Variants in NET1 observed in about 807,000 individuals in gnomAD.
NET1 encodes the protein neuroepithelial cell-transforming gene 1 protein.
A neutral mutation model predicts 61.1 loss-of-function variants in NET1; 42 were observed. That is an observed-to-expected ratio of 0.69 (90% confidence interval 0.54 to 0.89). NET1 has a LOEUF of 0.89. NET1 is among the 40% of genes least tolerant of loss of function. The pLI, the probability that NET1 is intolerant of heterozygous loss-of-function variation, is 0.00. For missense variants in NET1, 654 were observed against 747.3 expected, an observed-to-expected ratio of 0.88 and a Z score of 1.46; for synonymous variants, 254 against 281.8, an observed-to-expected ratio of 0.90 and a Z score of 0.99.
intron 1 of NET1, among the ~76,000 whole-genome samples, chr10:5,414,519 G>A (rs916645103): frequency 1.3e-5 from 2 of 152,192 alleles, no homozygotes; most frequent in Non-Finnish European, 2.9e-5. Flanking sequence ...TTAGCTGATG[G>A]ATTGGTAGGA....
rs67989874 is a variant in NET1, at chr10:5,451,503, C to CT, written c.256-319dup. 0.33 allele frequency among the ~76,000 whole-genome samples: 43,008 copies of CT among 131,262 alleles called. 6,590 individuals carry two copies. Among genetic ancestry groups the CT allele is most frequent in the Admixed American group, 0.41 (5,213 of 12,830 alleles). 86.1% of individuals were successfully genotyped at this position (131,262 alleles called of 152,430 possible). A position where few individuals can be genotyped will look rare whatever the true frequency, so the allele number is the denominator to read the frequency against. ...TTCGAAAATTTTCATAACAATAAGG[C>CT]TTTTTTTTAAAAAAAAAAAAAGTTA... On this transcript the variant is annotated intron_variant, in intron 3 of 11. Transcript: ENST00000355029. The surrounding 1 kb of genome is among the most constrained non-coding windows in gnomAD (Gnocchi z 6.1).
intron 3 of NET1, among the ~76,000 whole-genome samples, chr10:5,450,149 G>A (rs1361612313): frequency 2.6e-5 from 4 of 152,136 alleles, no homozygotes; most frequent in Non-Finnish European, 2.9e-5. Flanking sequence ...ATTACATATC[G>A]CGAAGGTTTC....
At chr10:5,434,491 G>A (rs1206632742) in intron 3 of NET1, among the ~76,000 whole-genome samples, 1 of 152,126 alleles carries the variant, frequency 6.6e-6, no homozygotes. Context: ...TCTGAGACTA[G>A]TATGCCATTG....
Position 5,455,049 on chromosome 10 carries a change from G to A in NET1, c.1128G>A (p.Gln376=), listed in dbSNP as rs1832774771. The change falls in exon 10 of 12, where the codon CAG becomes CAA. Residue 376 remains glutamine, a synonymous_variant. Transcript: ENST00000355029. The surrounding 1 kb of genome is among the most constrained non-coding windows in gnomAD (Gnocchi z 6.5). The part of the protein sequence containing the change: ...IDKLEYLDEK[Q]RDPRIEASKV... ...AGCTGGAGTACCTGGATGAAAAGCA[G>A]AGGGACCCCAGAATCGAAGCGAGCA... is the stretch of plus-strand genomic sequence containing the variant. 1 of 1,614,168 alleles carries A rather than the reference G, an allele frequency of 6.2e-7. No homozygotes were observed. The highest frequency in any genetic ancestry group is 2.2e-5 in the East Asian group (1 of 44,886).
chr10:5,452,814 C>T lies in NET1; in HGVS notation c.532-44C>T, dbSNP rs1300708834. ...TAATTATCAGTTGTATATAATTTTC[C>T]TTTCTCGAAGGAATGACCTCTGATG... On this transcript the variant is annotated intron_variant, in intron 5 of 11. Coordinates refer to ENST00000355029, the MANE Select transcript of NET1 (RefSeq NM_001047160.3). The surrounding 1 kb of genome is among the most constrained non-coding windows in gnomAD (Gnocchi z 4.0). 1 of 1,571,002 alleles carries T rather than the reference C, an allele frequency of 6.4e-7. No individual in the cohort carries two copies. Among genetic ancestry groups the T allele is most frequent in the Non-Finnish European group, 8.7e-7 (1 of 1,154,298 alleles).
At position 5,426,850 on chromosome 10, in the gene NET1, T is replaced by C; in HGVS notation, c.195+129T>C. ...TTGAGGAACAGAATTCCTGTAACCATCTTTGGCAGCCTAATTTAGTCCTTT... is the reference window on the plus strand; with the variant it reads ...TTGAGGAACAGAATTCCTGTAACCACCTTTGGCAGCCTAATTTAGTCCTTT... On this transcript the variant is annotated intron_variant, in intron 2 of 11. Transcript: ENST00000355029. The surrounding 1 kb of genome is among the most constrained non-coding windows in gnomAD (Gnocchi z 4.6). 1.9e-6 allele frequency: 1 copy of C among 537,946 alleles called. No homozygotes were observed. 33.3% of individuals were successfully genotyped at this position (537,946 alleles called of 1,614,324 possible).
At position 5,458,805 on chromosome 10, in the gene NET1, T is replaced by C. The variant is rs541229561; in HGVS notation, c.*1811T>C. On this transcript the variant is annotated 3_prime_UTR_variant, in exon 12 of 12. Coordinates refer to ENST00000355029, the MANE Select transcript of NET1 (RefSeq NM_001047160.3). This position sits in a 1 kb window ranked among gnomAD's most constrained non-coding sequence, Gnocchi z 4.5. ...CTTTGGAAATTCACATTCATAAGTG[T>C]ATATTACACCAATGATTGTGATCTG... Among the ~76,000 whole-genome samples, 3 of 152,348 alleles carry C rather than the reference T, an allele frequency of 2.0e-5. No homozygotes were observed. Among genetic ancestry groups the C allele is most frequent in the East Asian group, 3.9e-4 (2 of 5,184 alleles).
intron 3 of NET1, among the ~76,000 whole-genome samples, chr10:5,433,436 C>G (rs578185538): frequency 6.6e-6 from 1 of 152,304 alleles, no homozygotes; most frequent in African/African-American, 2.4e-5. Flanking sequence ...AGTATTGACT[C>G]TCTGGCCCTT....
intron 3 of NET1, among the ~76,000 whole-genome samples, chr10:5,442,067 AAT>A (rs1427228357): frequency 1.3e-5 from 2 of 152,212 alleles, no homozygotes; most frequent in South Asian, 2.1e-4. Context: ...ATCATTTTAA[AAT>A]ATATGTTTAA....
chr10:5,444,854 C>T lies in NET1; in HGVS notation c.256-6976C>T, dbSNP rs1375464809. ...ATTTGCATGTTCTTCCACCGCCTCA[C>T]ACTCAGTATATCTAAAATGTAACTT... On this transcript the variant is annotated intron_variant, in intron 3 of 11. Transcript: ENST00000355029. The surrounding 1 kb of genome is among the most constrained non-coding windows in gnomAD (Gnocchi z 5.3). Among the ~76,000 whole-genome samples the T allele has an allele frequency of 6.6e-6, 1 of 152,238 alleles. No homozygotes were observed. The highest frequency in any genetic ancestry group is 1.5e-5 in the Non-Finnish European group (1 of 68,042).
rs375504330 is a variant in NET1 at position 5,436,399 on chromosome 10, G to A, written c.255+7170G>A. Among the ~76,000 whole-genome samples the A allele has an allele frequency of 1.7e-4, 25 of 149,410 alleles. 1 individual carries two copies. The highest frequency in any genetic ancestry group is 3.4e-3 in the Middle Eastern group (1 of 290). On this transcript the variant is annotated intron_variant, in intron 3 of 11. Transcript: ENST00000355029. ...TCCTGCCTCAGCCTCCCAAGTAGCC[G>A]GGTTAATTTTGTGTTTTTAGTAGAC...
intron 3 of NET1, among the ~76,000 whole-genome samples, chr10:5,436,180 TGTGTGTTGTGTGTGTGTGTG>T (rs1564462665): frequency 4.6e-5 from 3 of 64,806 alleles, no homozygotes; most frequent in African/African-American, 1.1e-4. Flanking sequence ...TGTGTGTGTG[TGTGTGTTGTGTGTGTGTGTG>T]TGTGTGTGTG....
Position 5,437,668 on chromosome 10 carries a change from A to ATT in NET1, c.255+8449_255+8450dup, listed in dbSNP as rs11294583. On this transcript the variant is annotated intron_variant, in intron 3 of 11. Transcript: ENST00000355029. This position sits in a 1 kb window ranked among gnomAD's most constrained non-coding sequence, Gnocchi z 4.3. ...TTTTCAACTCTGTATTTTCCCTAGT[A>ATT]TTTTTTTTTTTAACCAACTATTGGG... Among the ~76,000 whole-genome samples the ATT allele has an allele frequency of 2.4e-3, 359 of 149,962 alleles. No homozygotes were observed. Among genetic ancestry groups the ATT allele is most frequent in the African/African-American group, 6.1e-3 (250 of 41,024 alleles).
Position 5,440,819 on chromosome 10 carries a change from A to G in NET1, c.256-11011A>G, listed in dbSNP as rs1229329657. On this transcript the variant is annotated intron_variant, in intron 3 of 11. Transcript: ENST00000355029. This position sits in a 1 kb window ranked among gnomAD's most constrained non-coding sequence, Gnocchi z 4.1. Reference sequence around the variant, plus strand: ...CTACTATGTAAGGCATTGCCTCACTACTCTGTGTCTCATCCCTATTCATAC... The same window carrying G: ...CTACTATGTAAGGCATTGCCTCACTGCTCTGTGTCTCATCCCTATTCATAC... Among the ~76,000 whole-genome samples the G allele has an allele frequency of 6.6e-6, 1 of 151,836 alleles. No individual in the cohort carries two copies. The highest frequency in any genetic ancestry group is 1.5e-5 in the Non-Finnish European group (1 of 67,962).
intron 3 of NET1, among the ~76,000 whole-genome samples, chr10:5,430,019 C>T (rs1047702948): frequency 6.6e-5 from 10 of 152,244 alleles, no homozygotes; most frequent in South Asian, 4.1e-4. Context: ...TGCTCATCAA[C>T]ATTTTAACAA....
In NET1 at chr10:5,413,557, A is replaced by G. The variant is rs978280127; in HGVS notation, c.128+737A>G. Reference sequence around the variant, plus strand: ...AGGGAACCAAGTGAGAACAGTATCCAGGAGGCCAAATGAAGAAAGAATTTC... The same window carrying G: ...AGGGAACCAAGTGAGAACAGTATCCGGGAGGCCAAATGAAGAAAGAATTTC... On this transcript the variant is annotated intron_variant, in intron 1 of 11. Coordinates refer to ENST00000355029, the MANE Select transcript of NET1 (RefSeq NM_001047160.3). Among the ~76,000 whole-genome samples, 3 of 152,220 alleles carry G rather than the reference A, an allele frequency of 2.0e-5. No individual in the cohort carries two copies. In the South Asian group the frequency reaches 6.2e-4, roughly 32 times the overall value.
In NET1 at chr10:5,457,210, A is replaced by G. The variant is rs11791; in HGVS notation, c.*216A>G. The G allele has an allele frequency of 0.66, 242,187 of 368,716 alleles. 79,996 individuals carry two copies. Among genetic ancestry groups the G allele is most frequent in the Admixed American group, 0.73 (16,752 of 22,948 alleles). 22.8% of individuals were successfully genotyped at this position (368,716 alleles called of 1,614,324 possible). On this transcript the variant is annotated 3_prime_UTR_variant, in exon 12 of 12. Coordinates refer to ENST00000355029, the MANE Select transcript of NET1 (RefSeq NM_001047160.3). This position sits in a 1 kb window ranked among gnomAD's most constrained non-coding sequence, Gnocchi z 5.4. ...TTTTTTTTTAAAGATATTTTCTTGA[A>G]TTATTTAGAACATGGTAAGCCTGGT...
chr10:5,412,858 G>C lies in NET1; in HGVS notation c.128+38G>C. On this transcript the variant is annotated intron_variant, in intron 1 of 11. Coordinates refer to ENST00000355029, the MANE Select transcript of NET1 (RefSeq NM_001047160.3). This position sits in a 1 kb window ranked among gnomAD's most constrained non-coding sequence, Gnocchi z 6.5. ...GAGGGGAGGGCCGAACGGGAGGTGA[G>C]TGTAGGGGAGCGGAGGGCCGAACGG... The C allele has an allele frequency of 7.6e-7, 1 of 1,313,738 alleles. No homozygotes were observed. The highest frequency in any genetic ancestry group is 9.8e-7 in the Non-Finnish European group (1 of 1,023,986). The allele number at this position is 1,313,738 out of a possible 1,614,324, so 81.4% of individuals were successfully genotyped here. A position where few individuals can be genotyped will look rare whatever the true frequency, so the allele number is the denominator to read the frequency against.
chr10:5,452,002 G>A lies in NET1; in HGVS notation c.363+65G>A. The A allele has an allele frequency of 8.1e-7, 1 of 1,227,122 alleles. No homozygotes were observed. Among genetic ancestry groups the A allele is most frequent in the Non-Finnish European group, 1.2e-6 (1 of 848,268 alleles). The allele number at this position is 1,227,122 out of a possible 1,614,324, so 76.0% of individuals were successfully genotyped here. A position where few individuals can be genotyped will look rare whatever the true frequency, so the allele number is the denominator to read the frequency against. On this transcript the variant is annotated intron_variant, in intron 4 of 11. Transcript: ENST00000355029. The surrounding 1 kb of genome is among the most constrained non-coding windows in gnomAD (Gnocchi z 4.0). The stretch of plus-strand genomic sequence containing the variant: ...TTATAGAAGCCTGGAATTTGTAGTT[G>A]TCTTTGAGCTGTACAAACAAGTTTG...
Sources: gnomAD v4.1 joint callset for allele counts (sites outside exome capture counted in the v4.1 genomes callset) on GRCh38, gnomAD v4.1.1 for gene constraint, Gnocchi (gnomAD v3.1) non-coding constraint, MANE v1.5 for transcripts, NCBI Gene and HGNC (gene_info 2026-07-23, HGNC 2026-07-21) for gene names.